The following RNF216 variants were observed in gnomAD, a reference collection of about 807,000 sequenced individuals.
RNF216 encodes the protein ring finger protein 216.
A neutral mutation model predicts 110.8 loss-of-function variants in RNF216; 72 were observed. That is an observed-to-expected ratio of 0.65 (90% CI 0.54 to 0.79). The LOEUF (loss-of-function observed/expected upper bound fraction) is 0.79. Ranked by LOEUF, RNF216 falls within the 30% of genes least tolerant of loss-of-function variation. RNF216 has a pLI of 0.00. For missense variants in RNF216, 1,342 were observed against 1,141.2 expected (o/e 1.18, Z -2.54); for synonymous variants, 495 against 407.5 (o/e 1.21, Z -2.59).
intron 11 of RNF216, 111 bp from the exon 12 acceptor site, chr7:5,712,974 C>A (rs1792813161): frequency 2.1e-6 from 2 of 968,446 alleles, no homozygotes; most frequent in Non-Finnish European, 3.0e-6. Flanking sequence ...AAGGATCTCT[C>A]TGCCTGTTCA....
At chr7:5,716,371 AT>A (rs753194698) in intron 10 of RNF216, among the ~76,000 whole-genome samples, 1 of 151,872 alleles carries the variant, frequency 6.6e-6, no homozygotes, top group Non-Finnish European at 1.5e-5. Flanking sequence ...TTAGCTGGGC[AT>A]TTTTTTTACA....
intron 2 of RNF216, among the ~76,000 whole-genome samples, chr7:5,760,752 A>C (rs1369516197): frequency 4.6e-5 from 7 of 152,200 alleles, no homozygotes; most frequent in Non-Finnish European, 1.5e-5. Context: ...AGACTCAATG[A>C]CTGCATATTA....
chr7:5,626,051 G>C (rs1009830570), intron 15 of RNF216, among the ~76,000 whole-genome samples: 1 of 152,186 alleles, frequency 6.6e-6, no homozygotes, highest in South Asian at 2.1e-4. Context: ...AGGTGACAAA[G>C]GTCAAGTTCC....
intron 14 of RNF216, among the ~76,000 whole-genome samples, chr7:5,652,097 T>C (rs1181216572): frequency 2.0e-5 from 3 of 152,186 alleles, no homozygotes; most frequent in African/African-American, 7.2e-5. Flanking sequence ...AACACAGACA[T>C]AAGCAACACT....
intron 2 of RNF216, among the ~76,000 whole-genome samples, chr7:5,760,031 C>A (rs1269334407): frequency 6.6e-6 from 1 of 152,102 alleles, no homozygotes; most frequent in African/African-American, 2.4e-5. Flanking sequence ...ACCAGTATAA[C>A]CTCTTCCATG....
intron 9 of RNF216, among the ~76,000 whole-genome samples, chr7:5,718,556 T>C (rs1233637284): frequency 6.6e-6 from 1 of 151,878 alleles, no homozygotes; most frequent in Non-Finnish European, 1.5e-5. Flanking sequence ...CACCCTTTTT[T>C]TTTTTTTTGA....
At chr7:5,742,728 T>C in intron 3 of RNF216, among the ~76,000 whole-genome samples, 1 of 150,778 alleles carries the variant, frequency 6.6e-6, no homozygotes, top group East Asian at 2.0e-4. Flanking sequence ...CCCGAGTAGC[T>C]GGGATTATAG....
chr7:5,726,171 G>A (rs369293438), intron 7 of RNF216, among the ~76,000 whole-genome samples: 39 of 152,078 alleles, frequency 2.6e-4, no homozygotes, highest in African/African-American at 8.9e-4. Context: ...CCAGGTACTC[G>A]GAGGCTAAGA....
chr7:5,768,698 G>A (rs1796336450), intron 1 of RNF216, among the ~76,000 whole-genome samples: 1 of 143,610 alleles, frequency 7.0e-6, no homozygotes, highest in African/African-American at 2.6e-5. Context: ...GTCTTGCTCT[G>A]TCGCCCAGGC....
At chr7:5,707,200 C>T (rs890488544) in intron 13 of RNF216, among the ~76,000 whole-genome samples, 3 of 152,274 alleles carry the variant, frequency 2.0e-5, no homozygotes, top group Non-Finnish European at 4.4e-5. Flanking sequence ...GTGAGGCTTC[C>T]AGCTTTGTTC....
rs368557518 is a variant in RNF216 at position 5,712,875 on chromosome 7, C to T, written c.1834-12G>A. ...CAGCTGAGCTCCAACTAGAAAAAGG[C>T]GAAAAGGCAAAGAAAAAAAAATCAA... On this transcript the variant is annotated splice_polypyrimidine_tract_variant and intron_variant, in intron 11 of 16. Transcript: ENST00000389902. 1.2e-4 allele frequency: 187 copies of T among 1,580,726 alleles called. No homozygotes were observed. The highest frequency in any genetic ancestry group is 1.7e-4 in the Admixed American group (9 of 52,514).
intron 2 of RNF216, among the ~76,000 whole-genome samples, chr7:5,754,713 A>T (rs913412350): frequency 6.6e-5 from 10 of 152,136 alleles, no homozygotes; most frequent in Non-Finnish European, 1.0e-4. Flanking sequence ...AAAGACACAC[A>T]ATCTTGGTGT....
intron 11 of RNF216, among the ~76,000 whole-genome samples, chr7:5,714,811 C>T (rs1035250936): frequency 4.6e-5 from 7 of 152,108 alleles, no homozygotes; most frequent in African/African-American, 9.7e-5. Flanking sequence ...AGATGATGAA[C>T]GAAGGAGGTG....
chr7:5,712,699 C>G lies in RNF216; in HGVS notation c.1982+16G>C. On this transcript the variant is annotated intron_variant, in intron 12 of 16. Coordinates refer to ENST00000389902, the MANE Select transcript of RNF216 (RefSeq NM_207111.4). The stretch of plus-strand genomic sequence containing the variant: ...GGGAAGAGTTGGCAGATGGCACGCT[C>G]TGCCTGAGAACGAACCTGACAAGCT... 1 of 1,613,764 alleles carries G rather than the reference C, an allele frequency of 6.2e-7. No homozygotes were observed. The highest frequency in any genetic ancestry group is 1.1e-5 in the South Asian group (1 of 91,044).
Position 5,730,727 on chromosome 7 carries a change from T to G in RNF216, c.1212A>C (p.Gln404His). Residue 404 changes from glutamine (Q) to histidine (H), a missense_variant, in exon 6 of 17, where the codon CAA (glutamine) becomes CAC (histidine). Coordinates refer to ENST00000389902, the MANE Select transcript of RNF216 (RefSeq NM_207111.4). ...INPSSSLLAS[Q>H]DETKLPKIDF... ...ACATGACACTTGCCTTTGTCTCATCTTGGCTGGCCAGCAGACTGCTACTGG... is the reference window on the plus strand; with the variant it reads ...ACATGACACTTGCCTTTGTCTCATCGTGGCTGGCCAGCAGACTGCTACTGG... 6.8e-6 allele frequency: 11 copies of G among 1,607,776 alleles called. No homozygotes were observed. The highest frequency in any genetic ancestry group is 7.7e-6 in the Non-Finnish European group (9 of 1,176,208).
At position 5,624,832 on chromosome 7, in the gene RNF216, C is replaced by A. The variant is rs1032726225; in HGVS notation, c.2383-707G>T. 6.6e-6 allele frequency among the ~76,000 whole-genome samples: 1 copy of A among 152,244 alleles called. No individual in the cohort carries two copies. The highest frequency in any genetic ancestry group is 6.5e-5 in the Admixed American group (1 of 15,290). On this transcript the variant is annotated intron_variant, in intron 15 of 16. Coordinates refer to ENST00000389902, the MANE Select transcript of RNF216 (RefSeq NM_207111.4). The surrounding 1 kb of genome is among the most constrained non-coding windows in gnomAD (Gnocchi z 4.4). ...GAGCTGTGCTGGGAAACTCAGGGGC[C>A]ACACTGGGCAAGCCCCAGAGGTTGG...
At chr7:5,673,529 T>C (rs1266736088) in intron 13 of RNF216, among the ~76,000 whole-genome samples, 1 of 152,154 alleles carries the variant, frequency 6.6e-6, no homozygotes, top group East Asian at 1.9e-4. Context: ...ACCTGTCACG[T>C]GGGGCAGTAT....
At chr7:5,668,994 T>C (rs1194100783) in intron 13 of RNF216, among the ~76,000 whole-genome samples, 1 of 152,222 alleles carries the variant, frequency 6.6e-6, no homozygotes, top group Non-Finnish European at 1.5e-5. Context: ...CCCAGGAATA[T>C]GAGCAGGAGC....
chr7:5,640,937 G>A (rs549960036), intron 15 of RNF216, among the ~76,000 whole-genome samples: 1 of 152,172 alleles, frequency 6.6e-6, no homozygotes, highest in African/African-American at 2.4e-5. Flanking sequence ...AGAATTAAAA[G>A]AATTTGCCTA....
Sources: allele counts gnomAD v4.1 joint callset (sites outside exome capture counted in the v4.1 genomes callset), GRCh38; gene constraint gnomAD v4.1.1; non-coding constraint Gnocchi (gnomAD v3.1); transcripts MANE v1.5; gene names NCBI Gene and HGNC (gene_info 2026-07-23, HGNC 2026-07-21).